The following HIRA variants were observed in gnomAD, a reference collection of about 807,000 sequenced individuals.
HIRA encodes the protein protein HIRA.
A neutral mutation model predicts 126.6 loss-of-function variants in HIRA; 13 were observed. That is an observed-to-expected ratio of 0.10 (90% confidence interval 0.07 to 0.16). The LOEUF (loss-of-function observed/expected upper bound fraction) is 0.16. Among genes scored for constraint, HIRA ranks in the 10% least tolerant of loss-of-function variants. HIRA has a pLI of 1.00. For missense variants in HIRA, 834 were observed against 1,314.4 expected, an observed-to-expected ratio of 0.63 and a Z score of 5.65; for synonymous variants, 511 against 520.0, an observed-to-expected ratio of 0.98 and a Z score of 0.24.
At position 19,411,424 on chromosome 22, in the gene HIRA, T is replaced by C. The variant is rs10222261; in HGVS notation, c.38-646A>G. ...GGCTTGCACTAGGATCCCATGAAGC[T>C]AGCTGGCTGGCTGGGTGGGTGGATC... is the stretch of plus-strand genomic sequence containing the variant. On this transcript the variant is annotated intron_variant, in intron 1 of 24. Coordinates refer to ENST00000263208, the MANE Select transcript of HIRA (RefSeq NM_003325.4). Among the ~76,000 whole-genome samples the C allele has an allele frequency of 3.1e-3, 477 of 152,300 alleles. 1 individual carries two copies. Among genetic ancestry groups the C allele is most frequent in the African/African-American group, 9.8e-3 (408 of 41,568 alleles).
intron 15 of HIRA, among the ~76,000 whole-genome samples, chr22:19,362,193 G>C (rs887346848): frequency 1.3e-5 from 2 of 152,174 alleles, no homozygotes; most frequent in African/African-American, 4.8e-5. Context: ...ATGCAGGCCA[G>C]AAACTCACAT....
chr22:19,354,362 G>C (rs1325253701), intron 21 of HIRA, among the ~76,000 whole-genome samples: 1 of 152,220 alleles, frequency 6.6e-6, no homozygotes, highest in African/African-American at 2.4e-5. Flanking sequence ...CTGTGGATAG[G>C]GCCCTTGCTG....
In HIRA at chr22:19,331,264, C is replaced by T; in HGVS notation, c.*176G>A. 6.5e-7 allele frequency: 1 copy of T among 1,535,492 alleles called. No homozygotes were observed. Among genetic ancestry groups the T allele is most frequent in the African/African-American group, 1.4e-5 (1 of 73,588 alleles). ...TTCCCCCTCCTGAGGCAATGTCAGA[C>T]CCAGGACACAGGGCACATCTGCCCA... On this transcript the variant is annotated 3_prime_UTR_variant, in exon 25 of 25. Coordinates refer to ENST00000263208, the MANE Select transcript of HIRA (RefSeq NM_003325.4).
At chr22:19,404,577 A>G (rs1365426426) in intron 5 of HIRA, among the ~76,000 whole-genome samples, 1 of 152,114 alleles carries the variant, frequency 6.6e-6, no homozygotes, top group Non-Finnish European at 1.5e-5. Flanking sequence ...TCTCCTTTTA[A>G]CAGTCTACAG....
chr22:19,424,446 C>T lies in HIRA; in HGVS notation c.37+6994G>A, dbSNP rs551472969. Among the ~76,000 whole-genome samples the T allele has an allele frequency of 1.2e-3, 182 of 152,334 alleles. 1 individual carries two copies. Among genetic ancestry groups the T allele is most frequent in the African/African-American group, 4.3e-3 (178 of 41,566 alleles). On this transcript the variant is annotated intron_variant, in intron 1 of 24. Transcript: ENST00000263208. ...AATGCCAGAAAAGGCTCACCAAGCA[C>T]ATTTCAAGAGAAACCTACCAGGTTA...
chr22:19,409,728 T>G (rs1382395259), intron 2 of HIRA, among the ~76,000 whole-genome samples: 2 of 152,212 alleles, frequency 1.3e-5, no homozygotes, highest in Non-Finnish European at 2.9e-5. Flanking sequence ...GGCCAATATG[T>G]AAAAGTATTT....
Position 19,377,749 on chromosome 22 carries a change from T to C in HIRA, c.1613+120A>G, listed in dbSNP as rs2146211365. 4 of 887,638 alleles carry C rather than the reference T, an allele frequency of 4.5e-6. No individual in the cohort carries two copies. In the South Asian group the frequency reaches 5.5e-5, roughly 12 times the overall value. 55.0% of individuals were successfully genotyped at this position (887,638 alleles called of 1,614,324 possible). A position where few individuals can be genotyped will look rare whatever the true frequency, so the allele number is the denominator to read the frequency against. ...CCCCATTTCAAATCACGCATTTTTT[T>C]CTTTCTTTTTTGATTGAAGGGGCCA... On this transcript the variant is annotated intron_variant, in intron 14 of 24. Coordinates refer to ENST00000263208, the MANE Select transcript of HIRA (RefSeq NM_003325.4).
intron 24 of HIRA, among the ~76,000 whole-genome samples, chr22:19,335,567 T>C (rs2088557982): frequency 3.3e-5 from 5 of 152,220 alleles, no homozygotes; most frequent in Admixed American, 3.3e-4. Flanking sequence ...CATTTTGACA[T>C]TTAGATGAAC....
chr22:19,425,288 G>A (rs1360809068), intron 1 of HIRA, among the ~76,000 whole-genome samples: 2 of 152,336 alleles, frequency 1.3e-5, no homozygotes, highest in Non-Finnish European at 1.5e-5. Context: ...GCTGACTCTG[G>A]CAGGATGATA....
chr22:19,389,778 G>C (rs2089161045), intron 9 of HIRA, among the ~76,000 whole-genome samples: 1 of 151,716 alleles, frequency 6.6e-6, no homozygotes, highest in Non-Finnish European at 1.5e-5. Context: ...TGGCTGGGAG[G>C]AAACAGGGAA....
chr22:19,360,997 C>T (rs2088858234), intron 17 of HIRA, among the ~76,000 whole-genome samples: 1 of 152,194 alleles, frequency 6.6e-6, no homozygotes, highest in Admixed American at 6.5e-5. Context: ...AATGGCAGCC[C>T]CAGCAGCTGG....
chr22:19,350,613 C>T (rs1409141832), intron 24 of HIRA, among the ~76,000 whole-genome samples: 3 of 152,174 alleles, frequency 2.0e-5, no homozygotes, highest in East Asian at 3.8e-4. Flanking sequence ...ACCTTCATCT[C>T]TTCCTGGGAC....
At chr22:19,395,022 A>C (rs554789187) in intron 7 of HIRA, among the ~76,000 whole-genome samples, 80 of 152,212 alleles carry the variant, frequency 5.3e-4, no homozygotes, top group Non-Finnish European at 2.2e-4. Context: ...GCCTCACCCA[A>C]AGGGTGGTGA....
intron 5 of HIRA, among the ~76,000 whole-genome samples, chr22:19,401,129 A>G (rs2089265120): frequency 6.6e-6 from 1 of 152,044 alleles, no homozygotes; most frequent in Non-Finnish European, 1.5e-5. Context: ...GTACTCTCCA[A>G]TGACACCTTT....
chr22:19,336,568 C>T (rs1006301801), intron 24 of HIRA, among the ~76,000 whole-genome samples: 4 of 152,238 alleles, frequency 2.6e-5, no homozygotes, highest in Admixed American at 1.3e-4. Context: ...TCACTGGTAG[C>T]ATAACCAGCA....
chr22:19,349,298 T>C (rs2146184527), intron 24 of HIRA, among the ~76,000 whole-genome samples: 1 of 152,046 alleles, frequency 6.6e-6, no homozygotes, highest in East Asian at 1.9e-4. Context: ...AGACGGGATT[T>C]CAGCATGTTG....
Position 19,377,877 on chromosome 22 carries a change from A to G in HIRA, c.1605T>C (p.Asn535=), listed in dbSNP as rs527822223. 3 of 1,609,856 alleles carry G rather than the reference A, an allele frequency of 1.9e-6. No individual in the cohort carries two copies. The South Asian group carries it at 3.3e-5, about 18-fold the overall frequency. ...CCTTGGCACCCACTAACCTGTCTTT[A>G]TTGACAGAATCGCCTGCAGGTCTGG... ...ASARPAGDSV[N]KDSMNATSTP... Residue 535 remains asparagine, a synonymous_variant, in exon 14 of 25, where the codon AAT becomes AAC. Transcript: ENST00000263208.
chr22:19,350,383 A>G (rs1556010464), intron 24 of HIRA, among the ~76,000 whole-genome samples: 1 of 152,068 alleles, frequency 6.6e-6, no homozygotes, highest in African/African-American at 2.4e-5. Flanking sequence ...TAACTCTTAG[A>G]TCCATACCTT....
At chr22:19,363,315 G>T (rs551374652) in intron 15 of HIRA, among the ~76,000 whole-genome samples, 95 of 151,910 alleles carry the variant, frequency 6.3e-4, no homozygotes, top group Non-Finnish European at 1.2e-3. Context: ...GACAAAGACA[G>T]ATTAATAGTA....
Sources: gnomAD v4.1 joint callset for allele counts (sites outside exome capture counted in the v4.1 genomes callset) on GRCh38, gnomAD v4.1.1 for gene constraint, MANE v1.5 for transcripts, NCBI Gene and HGNC (gene_info 2026-07-23, HGNC 2026-07-21) for gene names.